Variants in UMAD1 observed in about 807,000 individuals in gnomAD.
UMAD1 encodes the protein UBAP1-MVB12-associated (UMA) domain containing 1.
In UMAD1, 8 loss-of-function variants were observed where a neutral mutation model predicts 6.1. The ratio of observed to expected loss-of-function variants is 1.30; its 90% confidence interval spans 0.76 to 2.35. The LOEUF (loss-of-function observed/expected upper bound fraction) is 2.35, where lower values mean the gene tolerates loss of function less well. UMAD1 is among the 30% of genes most tolerant of loss of function. The pLI, the probability that UMAD1 is intolerant of heterozygous loss-of-function variation, is 0.00. For synonymous variants in UMAD1, 56 were observed against 31.4 expected (o/e 1.78, Z -2.61); for missense variants, 130 against 78.4 (o/e 1.66, Z -2.49).
intron 2 of UMAD1, among the ~76,000 whole-genome samples, chr7:7,781,643 A>G (rs1325985102): frequency 2.6e-5 from 4 of 151,994 alleles, no homozygotes; most frequent in Non-Finnish European, 5.9e-5. Flanking sequence ...AATATTTTAT[A>G]TTTTGTGACT....
intron 1 of UMAD1, among the ~76,000 whole-genome samples, chr7:7,658,066 G>A (rs946039191): frequency 6.6e-6 from 1 of 151,872 alleles, no homozygotes; most frequent in Admixed American, 6.6e-5. Context: ...TTTATTCTCT[G>A]TAGCAATTGT....
intron 2 of UMAD1, among the ~76,000 whole-genome samples, chr7:7,738,224 T>G (rs774749272): frequency 6.6e-6 from 1 of 152,238 alleles, no homozygotes; most frequent in Non-Finnish European, 1.5e-5. Flanking sequence ...TAGTATATTT[T>G]GTAAAATTTT....
chr7:7,784,422 G>A (rs1317184999), intron 2 of UMAD1, among the ~76,000 whole-genome samples: 2 of 149,326 alleles, frequency 1.3e-5, no homozygotes, highest in African/African-American at 4.9e-5. Flanking sequence ...TGCAAGCTCC[G>A]CCTCCCGGGT....
At chr7:7,828,451 A>C (rs905896430) in intron 3 of UMAD1, among the ~76,000 whole-genome samples, 5 of 152,200 alleles carry the variant, frequency 3.3e-5, no homozygotes, top group Admixed American at 2.0e-4. Context: ...CCAAACACTT[A>C]AGCCAAGTCA....
intron 2 of UMAD1, among the ~76,000 whole-genome samples, chr7:7,762,817 G>C (rs1445243608): frequency 2.0e-5 from 3 of 152,164 alleles, no homozygotes; most frequent in Non-Finnish European, 4.4e-5. Context: ...ATTAGAATTT[G>C]TTTTCGTCGA....
intron 2 of UMAD1, among the ~76,000 whole-genome samples, chr7:7,757,130 CAG>C (rs1226759996): frequency 2.8e-4 from 43 of 152,202 alleles, no homozygotes; most frequent in Admixed American, 5.9e-4. Flanking sequence ...GAGAAAAATC[CAG>C]AGAGAGTATC....
At chr7:7,738,459 T>C (rs1222271841) in intron 2 of UMAD1, 2 of 152,254 alleles carry the variant, frequency 1.3e-5, no homozygotes, top group Non-Finnish European at 2.9e-5. Flanking sequence ...TTCAAAGTTG[T>C]TGGACTAAGT....
chr7:7,872,025 C>T lies in UMAD1; in HGVS notation c.157-5256C>T, dbSNP rs531361548. 1.1e-4 allele frequency among the ~76,000 whole-genome samples: 16 copies of T among 151,820 alleles called. No homozygotes were observed. In the East Asian group the frequency reaches 3.1e-3, roughly 29 times the overall value. The stretch of plus-strand genomic sequence containing the variant: ...CCCCTCCGCAGTTCCATGCAGACCT[C>T]CGAAAGAGGAGGGGGCCTTCATGTC... On this transcript the variant is annotated intron_variant, in intron 3 of 3. Coordinates refer to ENST00000682710, the MANE Select transcript of UMAD1 (RefSeq NM_001302348.2).
intron 2 of UMAD1, among the ~76,000 whole-genome samples, chr7:7,694,996 T>C (rs2115143701): frequency 6.6e-6 from 1 of 152,348 alleles, no homozygotes; most frequent in East Asian, 1.9e-4. Flanking sequence ...TAATTTACAT[T>C]CCCACCAACA....
At chr7:7,853,101 G>A (rs62434491) in intron 3 of UMAD1, among the ~76,000 whole-genome samples, 16 of 152,292 alleles carry the variant, frequency 1.1e-4, no homozygotes, top group Non-Finnish European at 2.4e-4. Context: ...TGCTGTGGGA[G>A]TTATGAGCCA....
intron 1 of UMAD1, among the ~76,000 whole-genome samples, chr7:7,655,008 G>C (rs2115080373): frequency 6.6e-6 from 1 of 152,072 alleles, no homozygotes; most frequent in East Asian, 1.9e-4. Flanking sequence ...GATCTGGTGG[G>C]CCCACTCTAT....
chr7:7,803,810 T>C (rs1782851912), intron 3 of UMAD1, among the ~76,000 whole-genome samples: 3 of 151,688 alleles, frequency 2.0e-5, no homozygotes, highest in South Asian at 4.2e-4. Context: ...GGCTCTCCCC[T>C]CCCACCCCCT....
At chr7:7,819,070 G>A (rs1436505165) in intron 3 of UMAD1, among the ~76,000 whole-genome samples, 1 of 152,006 alleles carries the variant, frequency 6.6e-6, no homozygotes, top group African/African-American at 2.4e-5. Context: ...GGCTGGTCTC[G>A]AACTCCTGAC....
chr7:7,762,857 A>G (rs1310956154), intron 2 of UMAD1, among the ~76,000 whole-genome samples: 1 of 151,232 alleles, frequency 6.6e-6, no homozygotes, highest in African/African-American at 2.4e-5. Flanking sequence ...CACATTACAT[A>G]TATGTAAGAT....
At chr7:7,715,841 A>C (rs1780887935) in intron 2 of UMAD1, among the ~76,000 whole-genome samples, 1 of 152,218 alleles carries the variant, frequency 6.6e-6, no homozygotes, top group Non-Finnish European at 1.5e-5. Context: ...AATAGCATCA[A>C]ACATTTAAAA....
intron 2 of UMAD1, among the ~76,000 whole-genome samples, chr7:7,734,354 A>G (rs1781309151): frequency 1.3e-5 from 2 of 152,162 alleles, no homozygotes; most frequent in African/African-American, 4.8e-5. Context: ...TGTTGTAGCT[A>G]ACCTTTATTT....
rs1279763761 is a variant in UMAD1, at chr7:7,877,398, A to G, written c.274A>G (p.Thr92Ala). ...MAELLSDVPF[T>A]LAPHVLAVQG... Reference sequence around the variant, plus strand: ...CGAGCTCCTGAGCGATGTGCCGTTCACCCTGGCCCCGCATGTGCTGGCAGT... The same window carrying G: ...CGAGCTCCTGAGCGATGTGCCGTTCGCCCTGGCCCCGCATGTGCTGGCAGT... The change falls in exon 4 of 4, where the codon ACC becomes GCC. Residue 92 changes from threonine (T) to alanine (A), a missense_variant. By Grantham distance (58) the Thr-to-Ala change is moderately conservative. Coordinates refer to ENST00000682710, the MANE Select transcript of UMAD1 (RefSeq NM_001302348.2). 5.6e-6 allele frequency: 4 copies of G among 717,580 alleles called. No homozygotes were observed. The highest frequency in any genetic ancestry group is 1.0e-5 in the Non-Finnish European group (4 of 385,126). The allele number at this position is 717,580 out of a possible 1,614,324, so 44.5% of individuals were successfully genotyped here. A position where few individuals can be genotyped will look rare whatever the true frequency, so the allele number is the denominator to read the frequency against.
intron 3 of UMAD1, among the ~76,000 whole-genome samples, chr7:7,852,465 C>T (rs1783936228): frequency 6.6e-6 from 1 of 152,166 alleles, no homozygotes; most frequent in Admixed American, 6.5e-5. Flanking sequence ...AAGTCCAGGC[C>T]CCTGGATCTT....
intron 1 of UMAD1, among the ~76,000 whole-genome samples, chr7:7,642,677 C>G (rs1049240378): frequency 6.6e-6 from 1 of 152,020 alleles, no homozygotes; most frequent in Non-Finnish European, 1.5e-5. Flanking sequence ...TATAGCTAGC[C>G]GATTTGCATA....
Sources: gnomAD v4.1 joint callset for allele counts (sites outside exome capture counted in the v4.1 genomes callset) on GRCh38, gnomAD v4.1.1 for gene constraint, MANE v1.5 for transcripts, NCBI Gene and HGNC (gene_info 2026-07-23, HGNC 2026-07-21) for gene names.